Variants in NRG3 observed in about 807,000 individuals in gnomAD.
NRG3 encodes the protein neuregulin 3.
A neutral mutation model predicts 66.9 loss-of-function variants in NRG3; 31 were observed. That is an observed-to-expected ratio of 0.46 (90% CI 0.35 to 0.63). The LOEUF is 0.63. Ranked by LOEUF, NRG3 falls within the 20% of genes least tolerant of loss-of-function variation. NRG3 has a pLI of 0.00. For synonymous variants in NRG3, 393 were observed against 359.4 expected (o/e 1.09, Z -1.06); for missense variants, 910 against 878.9 (o/e 1.04, Z -0.45).
intron 1 of NRG3, among the ~76,000 whole-genome samples, chr10:82,304,508 TTTC>T (rs2080595949): frequency 6.6e-6 from 1 of 152,218 alleles, no homozygotes; most frequent in South Asian, 2.1e-4. Context: ...GTTGAATTTA[TTTC>T]TTCTTTATTT....
chr10:82,297,615 C>T (rs972529145), intron 1 of NRG3, among the ~76,000 whole-genome samples: 15 of 152,106 alleles, frequency 9.9e-5, no homozygotes, highest in African/African-American at 3.4e-4. Context: ...TGACCCTTCA[C>T]TTTGCTGATG....
intron 3 of NRG3, among the ~76,000 whole-genome samples, chr10:82,854,212 C>T (rs1004043127): frequency 1.3e-5 from 2 of 152,124 alleles, no homozygotes; most frequent in African/African-American, 4.8e-5. Context: ...CATCATCATT[C>T]ATAGAAAAGT....
At chr10:82,183,115 T>C (rs1039955739) in intron 1 of NRG3, among the ~76,000 whole-genome samples, 1 of 151,978 alleles carries the variant, frequency 6.6e-6, no homozygotes, top group Non-Finnish European at 1.5e-5. Flanking sequence ...TTCATCTTAT[T>C]GGGGATTCAT....
rs972267771 is a variant in NRG3 at position 82,631,071 on chromosome 10, G to C, written c.954-107506G>C. Among the ~76,000 whole-genome samples, 3 of 152,050 alleles carry C rather than the reference G, an allele frequency of 2.0e-5. No individual in the cohort carries two copies. In the South Asian group the frequency reaches 6.2e-4, roughly 32 times the overall value. On this transcript the variant is annotated intron_variant, in intron 2 of 8. Coordinates refer to ENST00000372141, the MANE Select transcript of NRG3 (RefSeq NM_001010848.4). ...TATCACTTCTCTGAGGCAGGGTTTT[G>C]GTTGTTACTGTAACCTTCTTTTCAG...
chr10:82,099,556 C>T (rs924314639), intron 1 of NRG3, among the ~76,000 whole-genome samples: 1 of 152,128 alleles, frequency 6.6e-6, no homozygotes, highest in Non-Finnish European at 1.5e-5. Context: ...ATTCTCATTC[C>T]CTTGACTTTC....
chr10:82,881,855 A>G (rs938799811), intron 4 of NRG3, among the ~76,000 whole-genome samples: 2 of 152,108 alleles, frequency 1.3e-5, no homozygotes, highest in African/African-American at 4.8e-5. Flanking sequence ...TCATTTCCTA[A>G]TGTGCTACAC....
rs1033607751 is a variant in NRG3 at position 82,975,738 on chromosome 10, C to A, written c.1412+1823C>A. On this transcript the variant is annotated intron_variant, in intron 7 of 8. Transcript: ENST00000372141. ...TATCCTGCAAACTGCACCATAACTT[C>A]CTGAATGCCACTGAGTTAGAAGGCC... Among the ~76,000 whole-genome samples the A allele has an allele frequency of 2.0e-5, 3 of 152,324 alleles. No homozygotes were observed. In the East Asian group the frequency reaches 5.8e-4, roughly 29 times the overall value.
intron 1 of NRG3, among the ~76,000 whole-genome samples, chr10:81,897,161 A>G (rs907569280): frequency 5.3e-5 from 8 of 152,176 alleles, no homozygotes; most frequent in African/African-American, 1.9e-4. Flanking sequence ...GGACTGAAAA[A>G]TGGCCAGCGT....
intron 3 of NRG3, among the ~76,000 whole-genome samples, chr10:82,845,243 A>G (rs920403280): frequency 1.1e-4 from 16 of 152,230 alleles, no homozygotes; most frequent in Admixed American, 5.9e-4. Context: ...TGCCTCATAC[A>G]GGACTTGGCT....
rs191032165 is a variant in NRG3, at chr10:82,713,596, C to T, written c.954-24981C>T. On this transcript the variant is annotated intron_variant, in intron 2 of 8. Coordinates refer to ENST00000372141, the MANE Select transcript of NRG3 (RefSeq NM_001010848.4). ...GAAAGGAAACTGTTCTCCTAATGCA[C>T]TGGGTGTGGAAAGTGCTGAGGATAT... Among the ~76,000 whole-genome samples, 850 of 152,292 alleles carry T rather than the reference C, an allele frequency of 5.6e-3. 3 individuals are homozygous for T. The highest frequency in any genetic ancestry group is 9.9e-3 in the South Asian group (48 of 4,832).
At chr10:82,412,057 C>T (rs2088135202) in intron 2 of NRG3, among the ~76,000 whole-genome samples, 1 of 151,954 alleles carries the variant, frequency 6.6e-6, no homozygotes, top group African/African-American at 2.4e-5. Context: ...GAGCCATTAG[C>T]ATGATTTTAC....
intron 3 of NRG3, among the ~76,000 whole-genome samples, chr10:82,826,857 A>G (rs762351649): frequency 2.0e-5 from 3 of 152,056 alleles, no homozygotes; most frequent in Non-Finnish European, 4.4e-5. Flanking sequence ...AATCCCAGAG[A>G]CATGCAATTT....
At chr10:82,273,947 T>C (rs1178382083) in intron 1 of NRG3, among the ~76,000 whole-genome samples, 3 of 151,958 alleles carry the variant, frequency 2.0e-5, no homozygotes, top group African/African-American at 7.2e-5. Context: ...CCAAGTATCA[T>C]TCACCTACAA....
At chr10:82,922,238 G>A (rs1341533775) in intron 4 of NRG3, among the ~76,000 whole-genome samples, 1 of 152,052 alleles carries the variant, frequency 6.6e-6, no homozygotes, top group Non-Finnish European at 1.5e-5. Flanking sequence ...TTTTGAAACT[G>A]TCTTTCTGAA....
chr10:82,090,383 A>G (rs1403197722), intron 1 of NRG3, among the ~76,000 whole-genome samples: 13 of 152,246 alleles, frequency 8.5e-5, no homozygotes, highest in Non-Finnish European at 2.9e-5. Flanking sequence ...TCTCTATCCT[A>G]CTATGTGCTA....
intron 4 of NRG3, among the ~76,000 whole-genome samples, chr10:82,890,405 G>A (rs947362019): frequency 6.6e-6 from 1 of 151,888 alleles, no homozygotes; most frequent in Non-Finnish European, 1.5e-5. Context: ...TCTTATTATG[G>A]TCTTTATTTT....
intron 1 of NRG3, among the ~76,000 whole-genome samples, chr10:81,896,474 A>G (rs1259512983): frequency 1.3e-5 from 2 of 152,168 alleles, no homozygotes; most frequent in Admixed American, 1.3e-4. Context: ...ATCTTGATAG[A>G]TTCTGCAAAC....
intron 2 of NRG3, among the ~76,000 whole-genome samples, chr10:82,422,513 A>C (rs2089154790): frequency 6.6e-6 from 1 of 152,044 alleles, no homozygotes; most frequent in Admixed American, 6.6e-5. Context: ...TTAGCAAAAA[A>C]AAATTATCTT....
At chr10:82,132,536 GATAT>G in intron 1 of NRG3, among the ~76,000 whole-genome samples, 1 of 66,028 alleles carries the variant, frequency 1.5e-5, no homozygotes, top group South Asian at 4.8e-4. Flanking sequence ...ATATATATAT[GATAT>G]ATATATATCT....
Sources: gnomAD v4.1 joint callset for allele counts (sites outside exome capture counted in the v4.1 genomes callset) on GRCh38, gnomAD v4.1.1 for gene constraint, MANE v1.5 for transcripts, NCBI Gene and HGNC (gene_info 2026-07-23, HGNC 2026-07-21) for gene names.